Variants in SAMD3 observed in about 807,000 individuals in gnomAD.
SAMD3 encodes the protein sterile alpha motif domain-containing protein 3.
A neutral mutation model predicts 58.5 loss-of-function variants in SAMD3; 63 were observed. That is an observed-to-expected ratio of 1.08 (90% CI 0.88 to 1.33). The LOEUF is 1.33. Among genes scored for constraint, SAMD3 ranks in the 40% most tolerant of loss-of-function variants. The pLI, the probability that SAMD3 is intolerant of heterozygous loss-of-function variation, is 0.00. For missense variants in SAMD3, 604 were observed against 608.4 expected (o/e 0.99, Z 0.08); for synonymous variants, 220 against 210.3 (o/e 1.05, Z -0.40).
intron 1 of SAMD3, among the ~76,000 whole-genome samples, chr6:130,340,366 G>A (rs1003742830): frequency 2.6e-5 from 4 of 152,050 alleles, no homozygotes; most frequent in Non-Finnish European, 4.4e-5. Flanking sequence ...TAGCATCTTC[G>A]AATTTTTCTC....
At chr6:130,153,662 A>ATATATTTATT (rs1423735345) in intron 9 of SAMD3, among the ~76,000 whole-genome samples, 40 of 131,264 alleles carry the variant, frequency 3.0e-4, no homozygotes, top group African/African-American at 1.1e-3. Flanking sequence ...ATATATATAT[A>ATATATTTATT]TATTTATTTA....
chr6:130,260,734 A>C (rs776104660), intron 2 of SAMD3, among the ~76,000 whole-genome samples: 34 of 152,090 alleles, frequency 2.2e-4, no homozygotes, highest in Non-Finnish European at 4.7e-4. Context: ...AGCCATGCGG[A>C]TCCTGAGAGC....
chr6:130,340,715 A>C (rs1201327554), intron 1 of SAMD3, among the ~76,000 whole-genome samples: 1 of 152,238 alleles, frequency 6.6e-6, no homozygotes. Context: ...TCTAAGAGAA[A>C]GAAAATACTA....
At chr6:130,251,256 C>G (rs1773728962) in intron 2 of SAMD3, among the ~76,000 whole-genome samples, 2 of 152,000 alleles carry the variant, frequency 1.3e-5, no homozygotes, top group African/African-American at 4.8e-5. Context: ...AAACTCTTTG[C>G]CCTTTTAAAA....
intron 5 of SAMD3, among the ~76,000 whole-genome samples, chr6:130,204,435 T>C (rs1794899741): frequency 6.6e-6 from 1 of 152,004 alleles, no homozygotes; most frequent in Non-Finnish European, 1.5e-5. Flanking sequence ...GTTGAAACCC[T>C]CTGTCTACAA....
At chr6:130,344,825 C>CAAAAAAAAAAAAAAA (rs56795907) in intron 1 of SAMD3, among the ~76,000 whole-genome samples, 3 of 41,112 alleles carry the variant, frequency 7.3e-5, no homozygotes, top group African/African-American at 1.1e-4. Flanking sequence ...ACAACAACAG[C>CAAAAAAAAAAAAAAA]AAAAAAAAAA....
At chr6:130,337,559 T>G (rs1024086367) in intron 1 of SAMD3, among the ~76,000 whole-genome samples, 3 of 152,028 alleles carry the variant, frequency 2.0e-5, no homozygotes, top group Non-Finnish European at 4.4e-5. Context: ...TAGGCAGAGG[T>G]AGGAACAATT....
At position 130,242,852 on chromosome 6, in the gene SAMD3, C is replaced by T. The variant is rs116603775; in HGVS notation, c.-187-20039G>A. Among the ~76,000 whole-genome samples the T allele has an allele frequency of 3.5e-3, 531 of 152,268 alleles. 3 individuals are homozygous for T. Among genetic ancestry groups the T allele is most frequent in the African/African-American group, 0.01 (435 of 41,548 alleles). On this transcript the variant is annotated intron_variant, in intron 2 of 13. Coordinates refer to the SAMD3 transcript ENST00000368134. ...GCACAGTTAGCTCTGGTGGCTGAGC[C>T]GGCATCCCTTTGATAGCTGGAGTCA...
At chr6:130,346,564 G>C (rs968275281) in intron 1 of SAMD3, among the ~76,000 whole-genome samples, 7 of 152,210 alleles carry the variant, frequency 4.6e-5, no homozygotes, top group African/African-American at 7.2e-5. Flanking sequence ...GCTTGAGTAG[G>C]TAAACAAAGT....
chr6:130,307,826 G>A (rs1775959475), intron 2 of SAMD3, among the ~76,000 whole-genome samples: 1 of 152,032 alleles, frequency 6.6e-6, no homozygotes, highest in Non-Finnish European at 1.5e-5. Flanking sequence ...GGTCTGAGAG[G>A]GTTTAGCATC....
At chr6:130,194,981 T>A (rs907470370) in intron 5 of SAMD3, among the ~76,000 whole-genome samples, 1 of 152,182 alleles carries the variant, frequency 6.6e-6, no homozygotes, top group Non-Finnish European at 1.5e-5. Flanking sequence ...ATAACTGTTG[T>A]GGGTATTGGC....
At chr6:130,315,719 A>G (rs1251671148) in intron 1 of SAMD3, among the ~76,000 whole-genome samples, 1 of 152,182 alleles carries the variant, frequency 6.6e-6, no homozygotes, top group Non-Finnish European at 1.5e-5. Flanking sequence ...TTTTCCAAAC[A>G]TTTAAACATT....
At chr6:130,162,989 G>C (rs577910796) in intron 8 of SAMD3, among the ~76,000 whole-genome samples, 5 of 152,024 alleles carry the variant, frequency 3.3e-5, no homozygotes, top group Non-Finnish European at 5.9e-5. Flanking sequence ...ATATTGCCCA[G>C]CTGGATTCTA....
intron 2 of SAMD3, among the ~76,000 whole-genome samples, chr6:130,229,896 T>C (rs1796495044): frequency 6.6e-6 from 1 of 152,182 alleles, no homozygotes; most frequent in Non-Finnish European, 1.5e-5. Context: ...TGACCAGTTT[T>C]AATGGCTGTC....
intron 9 of SAMD3, among the ~76,000 whole-genome samples, chr6:130,154,407 G>A (rs970787100): frequency 1.3e-5 from 2 of 151,626 alleles, no homozygotes; most frequent in African/African-American, 4.8e-5. Flanking sequence ...CACTCCAAGA[G>A]GAAAGAGGGA....
At chr6:130,145,512 T>C in intron 10 of SAMD3, 90 bp from the exon 11 acceptor site, 1 of 841,998 alleles carries the variant, frequency 1.2e-6, no homozygotes, top group African/African-American at 1.7e-5. Flanking sequence ...GGATTTTTTG[T>C]TACCTTGGAC....
intron 9 of SAMD3, among the ~76,000 whole-genome samples, chr6:130,149,716 TAGA>T (rs1050347101): frequency 1.2e-4 from 19 of 152,252 alleles, no homozygotes; most frequent in African/African-American, 4.3e-4. Context: ...CACTTGAGAT[TAGA>T]GGGTGGGTGG....
At chr6:130,318,145 C>A (rs542003582) in intron 1 of SAMD3, among the ~76,000 whole-genome samples, 1 of 152,316 alleles carries the variant, frequency 6.6e-6, no homozygotes, top group African/African-American at 2.4e-5. Flanking sequence ...GCAACTGGAA[C>A]TTCTTCCCAC....
intron 2 of SAMD3, among the ~76,000 whole-genome samples, chr6:130,296,181 G>C (rs911283403): frequency 6.6e-6 from 1 of 152,240 alleles, no homozygotes; most frequent in Non-Finnish European, 1.5e-5. Flanking sequence ...GCAGATGGCT[G>C]ACCAGAGACA....
Sources: allele counts gnomAD v4.1 joint callset (sites outside exome capture counted in the v4.1 genomes callset), GRCh38; gene constraint gnomAD v4.1.1; transcripts MANE v1.5; gene names NCBI Gene and HGNC (gene_info 2026-07-23, HGNC 2026-07-21).